Variants in ULK2 observed in about 807,000 individuals in gnomAD.
The protein encoded by ULK2 is unc-51 like autophagy activating kinase 2, also known as serine/threonine-protein kinase ULK2.
Under a neutral mutation model 127.5 loss-of-function variants are expected in ULK2, and 76 were observed. The observed-to-expected ratio is 0.60, with a 90% CI of 0.50 to 0.72. ULK2 has a LOEUF of 0.72. Among genes scored for constraint, ULK2 ranks in the 30% least tolerant of loss-of-function variants. The pLI is 0.00. For missense variants in ULK2, 1,144 were observed against 1,295.9 expected (o/e 0.88, Z 1.80); for synonymous variants, 452 against 461.9 (o/e 0.98, Z 0.28).
At chr17:19,861,884 A>G (rs1396386542) in intron 3 of ULK2, among the ~76,000 whole-genome samples, 2 of 152,224 alleles carry the variant, frequency 1.3e-5, no homozygotes, top group Non-Finnish European at 2.9e-5. Context: ...AAATATACCC[A>G]CTGCATTCAC....
At chr17:19,790,621 T>A (rs752133554) in intron 20 of ULK2, among the ~76,000 whole-genome samples, 1 of 151,330 alleles carries the variant, frequency 6.6e-6, no homozygotes, top group South Asian at 2.1e-4. Flanking sequence ...AGAAAACAAA[T>A]AACAAAATGG....
intron 10 of ULK2, among the ~76,000 whole-genome samples, chr17:19,832,806 C>G (rs773716965): frequency 6.6e-6 from 1 of 152,160 alleles, no homozygotes; most frequent in Non-Finnish European, 1.5e-5. Flanking sequence ...CCGCAGATTT[C>G]GTCCACGCAA....
chr17:19,841,624 C>A, intron 8 of ULK2, 77 bp from the exon 9 acceptor site: 4 of 1,126,788 alleles, frequency 3.5e-6, no homozygotes, highest in Non-Finnish European at 4.9e-6. Flanking sequence ...CACTCATATG[C>A]TTTTTTTTTA....
rs534219004 is a variant in ULK2 at position 19,813,223 on chromosome 17, G to C, written c.1097-2785C>G. Among the ~76,000 whole-genome samples, 10 of 152,200 alleles carry C rather than the reference G, an allele frequency of 6.6e-5. No homozygotes were observed. In the South Asian group the frequency reaches 2.1e-3, roughly 32 times the overall value. On this transcript the variant is annotated intron_variant, in intron 13 of 26. Transcript: ENST00000395544. The stretch of plus-strand genomic sequence containing the variant: ...CCCCGCCATATCATTCATCAAAGAG[G>C]CTTGCTTGCTGTCAATGAGACACTC...
In ULK2 at chr17:19,833,127, GAAAA is replaced by G. The variant is rs71157837; in HGVS notation, c.787+5370_787+5373del. Among the ~76,000 whole-genome samples, 165 of 115,448 alleles carry G rather than the reference GAAAA, an allele frequency of 1.4e-3. 2 individuals carry two copies. The South Asian group carries it at 0.017, about 12-fold the overall frequency. The allele number at this position is 115,448 out of a possible 152,430, so 75.7% of individuals were successfully genotyped here. A position where few individuals can be genotyped will look rare whatever the true frequency, so the allele number is the denominator to read the frequency against. On this transcript the variant is annotated intron_variant, in intron 10 of 26. Transcript: ENST00000395544. ...GACACAGTAAGACTTTGTCTCAAAG[GAAAA>G]AAAAAAAAAAAAAAAAAAACAGAAC... is the stretch of plus-strand genomic sequence containing the variant.
In ULK2 at chr17:19,845,292, ACACT is replaced by A. The variant is rs1567719880; in HGVS notation, c.543+8_543+11del. The A allele has an allele frequency of 2.5e-6, 4 of 1,610,828 alleles. No homozygotes were observed. Among genetic ancestry groups the A allele is most frequent in the Non-Finnish European group, 3.4e-6 (4 of 1,177,440 alleles). On this transcript the variant is annotated splice_region_variant and intron_variant, in intron 7 of 26. Coordinates refer to ENST00000395544, the MANE Select transcript of ULK2 (RefSeq NM_014683.4). The stretch of plus-strand genomic sequence containing the variant: ...ATGCTTTAAACACACAAGGATGCAA[ACACT>A]CACTCACCATGTACATCGGGGATCC...
At chr17:19,823,187 T>C (rs960312589) in intron 12 of ULK2, among the ~76,000 whole-genome samples, 4 of 146,600 alleles carry the variant, frequency 2.7e-5, no homozygotes, top group Non-Finnish European at 5.9e-5. Context: ...ACGCTGGTCT[T>C]GAACTCCTGG....
Position 19,838,494 on chromosome 17 carries a change from T to G in ULK2, c.787+7A>C, listed in dbSNP as rs781564835. Reference sequence around the variant, plus strand: ...GAAAACATGCAAAAGTTAAAACTATTTCTTACCAAAGTCCATTCTATCTTT... The same window carrying G: ...GAAAACATGCAAAAGTTAAAACTATGTCTTACCAAAGTCCATTCTATCTTT... On this transcript the variant is annotated splice_region_variant and intron_variant, in intron 10 of 26. Transcript: ENST00000395544. 6.2e-7 allele frequency: 1 copy of G among 1,604,020 alleles called. No individual in the cohort carries two copies. The highest frequency in any genetic ancestry group is 1.3e-5 in the African/African-American group (1 of 74,484).
At chr17:19,785,870 A>C in intron 21 of ULK2, 67 bp downstream of exon 21, 1 of 1,553,970 alleles carries the variant, frequency 6.4e-7, no homozygotes, top group Admixed American at 2.0e-5. Context: ...TACAACACTG[A>C]GTCATTTGTC....
At chr17:19,781,264 C>T (rs553729969) in intron 23 of ULK2, among the ~76,000 whole-genome samples, 160 bp from the exon 24 acceptor site, 5 of 122,386 alleles carry the variant, frequency 4.1e-5, no homozygotes, top group Admixed American at 9.2e-5. Context: ...TTTTTTTTGA[C>T]AGAGTCTTGC....
chr17:19,822,046 C>G (rs2041161506), intron 12 of ULK2, among the ~76,000 whole-genome samples: 1 of 150,818 alleles, frequency 6.6e-6, no homozygotes, highest in Non-Finnish European at 1.5e-5. Context: ...TCTGCAGTGG[C>G]ACAATCTCAG....
At chr17:19,854,811 A>C (rs1364573299) in intron 3 of ULK2, among the ~76,000 whole-genome samples, 1 of 150,728 alleles carries the variant, frequency 6.6e-6, no homozygotes, top group Non-Finnish European at 1.5e-5. Flanking sequence ...CCATATATTA[A>C]AGACACGGCG....
At chr17:19,795,910 T>C (rs1324606136) in intron 19 of ULK2, among the ~76,000 whole-genome samples, 185 bp from the exon 20 acceptor site, 2 of 152,336 alleles carry the variant, frequency 1.3e-5, no homozygotes, top group Non-Finnish European at 2.9e-5. Context: ...AAGAACTATG[T>C]ACTTACATAG....
intron 3 of ULK2, among the ~76,000 whole-genome samples, chr17:19,850,337 G>T (rs1167159856): frequency 6.6e-6 from 1 of 152,114 alleles, no homozygotes; most frequent in Non-Finnish European, 1.5e-5. Context: ...ATCAACACAT[G>T]TTCCACAATG....
chr17:19,837,108 A>C (rs2041618299), intron 10 of ULK2, among the ~76,000 whole-genome samples: 1 of 151,934 alleles, frequency 6.6e-6, no homozygotes, highest in African/African-American at 2.4e-5. Context: ...AGAAAAAAAA[A>C]AAACAAAAGA....
intron 10 of ULK2, among the ~76,000 whole-genome samples, chr17:19,834,460 G>A (rs2041541352): frequency 6.6e-6 from 1 of 150,818 alleles, no homozygotes; most frequent in African/African-American, 2.4e-5. Context: ...ACACAAAAGA[G>A]GAGGAAAGGA....
Position 19,797,468 on chromosome 17 carries a change from C to T in ULK2, c.1737G>A (p.Leu579=). The T allele has an allele frequency of 6.2e-7, 1 of 1,613,880 alleles. No individual in the cohort carries two copies. The highest frequency in any genetic ancestry group is 1.1e-5 in the South Asian group (1 of 91,052). ...AGTCAGAACTCCGTGGAGAGGACCC[C>T]AAGTGCTTGGTGGGAGAAGTTCCAA... ...GSLGTSPTKH[L]GSSPRSSDWF... is the part of the protein sequence containing the mutation. Residue 579 remains leucine, a synonymous_variant, in exon 18 of 27, where the codon TTG becomes TTA. Transcript: ENST00000395544.
intron 19 of ULK2, 83 bp from the exon 20 acceptor site, chr17:19,795,808 G>A (rs157386): frequency 0.13 from 169,131 of 1,293,586 alleles, 12,537 homozygotes; most frequent in Middle Eastern, 0.15. Context: ...AGAGAATGAG[G>A]AAACAAGAAA....
rs2087215305 is a variant in ULK2, at chr17:19,794,167, T to TA, written c.2101+1454dup. ...AATATCTTCCTGAAACTTCCTGAAC[T>TA]AAAAAGCAAAGAGAAATAAGAATGA... On this transcript the variant is annotated intron_variant, in intron 20 of 26. Coordinates refer to ENST00000395544, the MANE Select transcript of ULK2 (RefSeq NM_014683.4). Among the ~76,000 whole-genome samples the TA allele has an allele frequency of 2.0e-5, 3 of 150,956 alleles. No homozygotes were observed. In the South Asian group the frequency reaches 6.3e-4, roughly 32 times the overall value.
Sources: gnomAD v4.1 joint callset for allele counts (sites outside exome capture counted in the v4.1 genomes callset) on GRCh38, gnomAD v4.1.1 for gene constraint, MANE v1.5 for transcripts, NCBI Gene and HGNC (gene_info 2026-07-23, HGNC 2026-07-21) for gene names.